The following DIAPH3 variants were observed in gnomAD, a reference collection of about 807,000 sequenced individuals.
DIAPH3 encodes protein diaphanous homolog 3.
Under a neutral mutation model 144.3 loss-of-function variants are expected in DIAPH3, and 117 were observed. The ratio of observed to expected loss-of-function variants is 0.81; its 90% CI spans 0.70 to 0.95. The LOEUF (loss-of-function observed/expected upper bound fraction) is 0.95. Ranked by LOEUF, DIAPH3 falls within the 40% of genes least tolerant of loss-of-function variation. The pLI, the probability that DIAPH3 is intolerant of heterozygous loss-of-function variation, is 0.00. For missense variants in DIAPH3, 1,421 were observed against 1,412.7 expected, an observed-to-expected ratio of 1.01 and a Z score of -0.09; for synonymous variants, 519 against 488.9, an observed-to-expected ratio of 1.06 and a Z score of -0.81.
chr13:59,713,661 T>C (rs1354981887), intron 27 of DIAPH3, among the ~76,000 whole-genome samples: 5 of 151,976 alleles, frequency 3.3e-5, no homozygotes, highest in African/African-American at 1.2e-4. Context: ...TAAGAAGCTT[T>C]TTTGATGGCA....
At chr13:59,674,217 T>C (rs1480630874) in intron 27 of DIAPH3, among the ~76,000 whole-genome samples, 1 of 152,224 alleles carries the variant, frequency 6.6e-6, no homozygotes, top group Non-Finnish European at 1.5e-5. Context: ...TACCTTTATA[T>C]ATGGCTATTC....
intron 27 of DIAPH3, among the ~76,000 whole-genome samples, chr13:59,704,426 G>T (rs1188945388): frequency 6.6e-6 from 1 of 152,132 alleles, no homozygotes; most frequent in Non-Finnish European, 1.5e-5. Context: ...TGGTATTCTA[G>T]TTGCTCTTGG....
Position 60,163,696 on chromosome 13 carries a change from G to A in DIAPH3, c.71C>T (p.Ser24Leu). The A allele has an allele frequency of 6.2e-7, 1 of 1,608,398 alleles. No homozygotes were observed. Among genetic ancestry groups the A allele is most frequent in the Non-Finnish European group, 8.5e-7 (1 of 1,176,290 alleles). ...GSAAGTPYPS[S>L]ASLRGCRESK... is the part of the protein sequence containing the mutation. ...TTCCCGGCAGCCGCGGAGAGAGGCT[G>A]AGGAAGGGTAGGGAGTCCCAGCGGC... Residue 24 changes from serine to leucine, a missense_variant, in exon 1 of 28, where the codon TCA (serine) becomes TTA (leucine). Coordinates refer to ENST00000400324, the MANE Select transcript of DIAPH3 (RefSeq NM_001042517.2).
intron 9 of DIAPH3, among the ~76,000 whole-genome samples, chr13:60,004,091 A>C (rs916127298): frequency 6.6e-6 from 1 of 152,212 alleles, no homozygotes; most frequent in Non-Finnish European, 1.5e-5. Flanking sequence ...ACTTTGCAGT[A>C]AAAGAATAAT....
At chr13:59,833,499 T>C (rs2041890501) in intron 23 of DIAPH3, among the ~76,000 whole-genome samples, 1 of 151,834 alleles carries the variant, frequency 6.6e-6, no homozygotes, top group African/African-American at 2.4e-5. Context: ...AAGATTTATA[T>C]ATTTAATATT....
At chr13:59,825,454 G>A (rs1343006120) in intron 24 of DIAPH3, among the ~76,000 whole-genome samples, 1 of 152,110 alleles carries the variant, frequency 6.6e-6, no homozygotes, top group Non-Finnish European at 1.5e-5. Flanking sequence ...CATTTGGGTT[G>A]GTTCCAAGTC....
At chr13:59,918,291 C>T (rs951008508) in intron 18 of DIAPH3, among the ~76,000 whole-genome samples, 1 of 150,510 alleles carries the variant, frequency 6.6e-6, no homozygotes, top group Non-Finnish European at 1.5e-5. Context: ...TTCCCTTTGT[C>T]GCTAACAACA....
chr13:60,014,617 G>A (rs190477641), intron 7 of DIAPH3, among the ~76,000 whole-genome samples: 8 of 151,932 alleles, frequency 5.3e-5, no homozygotes, highest in South Asian at 2.1e-4. Context: ...AATAATTTAC[G>A]TACTAGTACT....
chr13:60,145,491 A>T (rs1951467028), intron 1 of DIAPH3, among the ~76,000 whole-genome samples: 1 of 152,174 alleles, frequency 6.6e-6, no homozygotes, highest in East Asian at 1.9e-4. Context: ...ACTAAAAAAA[A>T]TACAAAAAAT....
intron 27 of DIAPH3, among the ~76,000 whole-genome samples, chr13:59,692,134 ATTC>A (rs1470314767): frequency 2.3e-5 from 3 of 131,564 alleles, no homozygotes; most frequent in Middle Eastern, 4.1e-3. Context: ...GCTTTGAGAA[ATTC>A]TTTTTTTTTT....
chr13:60,007,082 C>T (rs1021393503), intron 9 of DIAPH3, among the ~76,000 whole-genome samples: 1 of 151,784 alleles, frequency 6.6e-6, no homozygotes, highest in Non-Finnish European at 1.5e-5. Context: ...GTCAGAGTCT[C>T]GCTCAGTCAC....
At chr13:59,828,926 G>A (rs1324865401) in intron 24 of DIAPH3, among the ~76,000 whole-genome samples, 1 of 151,774 alleles carries the variant, frequency 6.6e-6, no homozygotes, top group African/African-American at 2.4e-5. Context: ...AGAGAAGTGA[G>A]TTAAACTGCT....
At chr13:60,007,973 A>G (rs1376314561) in intron 9 of DIAPH3, among the ~76,000 whole-genome samples, 3 of 152,228 alleles carry the variant, frequency 2.0e-5, no homozygotes, top group Admixed American at 6.5e-5. Context: ...CTATGATAAT[A>G]TCTCATACAG....
intron 5 of DIAPH3, among the ~76,000 whole-genome samples, chr13:60,023,771 G>T (rs548553539): frequency 6.8e-6 from 1 of 148,000 alleles, no homozygotes; most frequent in East Asian, 2.1e-4. Context: ...GTCTGTGTGT[G>T]AATTTCTTTG....
chr13:59,724,462 C>T (rs924185955), intron 27 of DIAPH3, among the ~76,000 whole-genome samples: 11 of 152,062 alleles, frequency 7.2e-5, no homozygotes, highest in Admixed American at 2.0e-4. Flanking sequence ...TCTTGGTTGG[C>T]CTTACTCTCG....
chr13:59,697,459 C>CAAAAAAAAAAAAAAAAAA (rs58372882), intron 27 of DIAPH3, among the ~76,000 whole-genome samples: 2 of 31,188 alleles, frequency 6.4e-5, no homozygotes, highest in Non-Finnish European at 1.1e-4. Flanking sequence ...GACACTGTCT[C>CAAAAAAAAAAAAAAAAAA]AAAAAAAAAA....
At chr13:60,115,135 A>G (rs995762094) in intron 2 of DIAPH3, among the ~76,000 whole-genome samples, 1 of 152,232 alleles carries the variant, frequency 6.6e-6, no homozygotes, top group African/African-American at 2.4e-5. Flanking sequence ...ATTTATCAAT[A>G]CTGTAAGTTT....
chr13:59,985,130 A>C lies in DIAPH3; in HGVS notation c.1362-1243T>G, dbSNP rs1413436961. 6.4e-5 allele frequency among the ~76,000 whole-genome samples: 9 copies of C among 141,580 alleles called. No individual in the cohort carries two copies. In the South Asian group the frequency reaches 1.9e-3, roughly 31 times the overall value. 92.9% of individuals were successfully genotyped at this position (141,580 alleles called of 152,430 possible). A position where few individuals can be genotyped will look rare whatever the true frequency, so the allele number is the denominator to read the frequency against. On this transcript the variant is annotated intron_variant, in intron 12 of 27. Coordinates refer to ENST00000400324, the MANE Select transcript of DIAPH3 (RefSeq NM_001042517.2). ...ATCAAAAAGCTTATCCACCATGATC[A>C]AGTGGGCTTCATCCCTGGGATGCAA...
At chr13:59,782,254 T>C (rs1266613370) in intron 25 of DIAPH3, among the ~76,000 whole-genome samples, 3 of 152,110 alleles carry the variant, frequency 2.0e-5, no homozygotes, top group Non-Finnish European at 4.4e-5. Flanking sequence ...ATAATTATAA[T>C]GAAAGACAAT....
Sources: gnomAD v4.1 joint callset for allele counts (sites outside exome capture counted in the v4.1 genomes callset) on GRCh38, gnomAD v4.1.1 for gene constraint, MANE v1.5 for transcripts, NCBI Gene and HGNC (gene_info 2026-07-23, HGNC 2026-07-21) for gene names.